Variants in PTPN14 observed in about 807,000 individuals in gnomAD.
The protein encoded by PTPN14 is tyrosine-protein phosphatase non-receptor type 14.
PTPN14 carries 53 observed loss-of-function variants against 126.8 expected under a neutral mutation model. The observed-to-expected ratio is 0.42, with a 90% CI of 0.34 to 0.53. The LOEUF is 0.53. Ranked by LOEUF, PTPN14 falls within the 20% of genes least tolerant of loss-of-function variation. The probability of loss-of-function intolerance (pLI) is 0.08; values close to 1 mark genes in which losing one functional copy is unlikely to be tolerated. For synonymous variants in PTPN14, 630 were observed against 599.3 expected (o/e 1.05, Z -0.75); for missense variants, 1,257 against 1,552.9 (o/e 0.81, Z 3.20).
chr1:214,450,365 G>A (rs1268252653), intron 3 of PTPN14, among the ~76,000 whole-genome samples: 4 of 151,002 alleles, frequency 2.6e-5, no homozygotes, highest in East Asian at 2.0e-4. Flanking sequence ...CCAGCCACTC[G>A]GGAGGCTGAG....
chr1:214,364,825 A>G lies in PTPN14; in HGVS notation c.3272-150T>C, dbSNP rs1658044413. 2.5e-6 allele frequency: 2 copies of G among 801,886 alleles called. No homozygotes were observed. Among genetic ancestry groups the G allele is most frequent in the East Asian group, 2.9e-5 (1 of 34,646 alleles). The allele number at this position is 801,886 out of a possible 1,614,324, so 49.7% of individuals were successfully genotyped here. A position where few individuals can be genotyped will look rare whatever the true frequency, so the allele number is the denominator to read the frequency against. ...TGTGTGTTTTAAGTGACAATAATTT[A>G]TAGTTCTTACAAGACACTAATTATT... On this transcript the variant is annotated intron_variant, in intron 17 of 18. Transcript: ENST00000366956. The surrounding 1 kb of genome is among the most constrained non-coding windows in gnomAD (Gnocchi z 4.1).
chr1:214,550,798 C>T (rs79468616), intron 1 of PTPN14, among the ~76,000 whole-genome samples: 17 of 152,218 alleles, frequency 1.1e-4, no homozygotes, highest in African/African-American at 4.1e-4. Context: ...CTGCAGCGAC[C>T]GCGACGTCGT....
chr1:214,386,956 C>T, intron 11 of PTPN14, 34 bp from the exon 12 acceptor site: 2 of 1,529,070 alleles, frequency 1.3e-6, no homozygotes, highest in Non-Finnish European at 1.8e-6. Context: ...GTGGGGAGGC[C>T]TGGGCAGACA....
rs559017359 is a variant in PTPN14, at chr1:214,370,257, G to C, written c.3037-566C>G. Reference sequence around the variant, plus strand: ...ATCACGCCACTGCACCCCAGCCTGGGCAACAGAGGGGAGATTCCATCTCAA... The same window carrying C: ...ATCACGCCACTGCACCCCAGCCTGGCCAACAGAGGGGAGATTCCATCTCAA... On this transcript the variant is annotated intron_variant, in intron 16 of 18. Coordinates refer to ENST00000366956, the MANE Select transcript of PTPN14 (RefSeq NM_005401.5). 1.5e-4 allele frequency among the ~76,000 whole-genome samples: 22 copies of C among 147,266 alleles called. No individual in the cohort carries two copies. In the East Asian group the frequency reaches 4.2e-3, roughly 28 times the overall value.
At chr1:214,396,419 A>G (rs1207136156) in intron 8 of PTPN14, among the ~76,000 whole-genome samples, 1 of 152,216 alleles carries the variant, frequency 6.6e-6, no homozygotes, top group Non-Finnish European at 1.5e-5. Context: ...CACAACCTAC[A>G]GTTCTATCAG....
chr1:214,538,023 C>A (rs1299242035), intron 1 of PTPN14, among the ~76,000 whole-genome samples: 1 of 152,182 alleles, frequency 6.6e-6, no homozygotes, highest in Non-Finnish European at 1.5e-5. Flanking sequence ...GTATTTGACA[C>A]TGACAGCAAT....
intron 5 of PTPN14, among the ~76,000 whole-genome samples, chr1:214,408,305 T>G (rs1306195482): frequency 6.6e-6 from 1 of 152,216 alleles, no homozygotes; most frequent in African/African-American, 2.4e-5. Flanking sequence ...TGAATGATCA[T>G]GATTTCTGAA....
chr1:214,391,529 C>T (rs1658751696), intron 10 of PTPN14, among the ~76,000 whole-genome samples: 1 of 151,932 alleles, frequency 6.6e-6, no homozygotes, highest in African/African-American at 2.4e-5. Flanking sequence ...TAAGATAACA[C>T]ATTTTACAAA....
chr1:214,487,652 G>T (rs1375550873), intron 1 of PTPN14, among the ~76,000 whole-genome samples: 1 of 151,354 alleles, frequency 6.6e-6, no homozygotes, highest in Admixed American at 6.6e-5. Flanking sequence ...AAAAACGACT[G>T]TTACATCCAA....
At chr1:214,369,735 G>T in intron 16 of PTPN14, 44 bp from the exon 17 acceptor site, 1 of 1,527,636 alleles carries the variant, frequency 6.5e-7, no homozygotes, top group African/African-American at 1.4e-5. Flanking sequence ...GTCAAGGGAA[G>T]CTCTCATCCT....
intron 5 of PTPN14, among the ~76,000 whole-genome samples, chr1:214,404,049 T>C (rs1225881228): frequency 2.0e-5 from 3 of 152,186 alleles, no homozygotes; most frequent in Admixed American, 2.0e-4. Flanking sequence ...AAACGCCCCA[T>C]TCCTTTGATT....
At chr1:214,415,817 C>T (rs1271907605) in intron 3 of PTPN14, among the ~76,000 whole-genome samples, 1 of 152,118 alleles carries the variant, frequency 6.6e-6, no homozygotes, top group African/African-American at 2.4e-5. Flanking sequence ...GACAGCCATA[C>T]CACTCTTTGG....
In PTPN14 at chr1:214,384,667, G is replaced by A; in HGVS notation, c.1188C>T (p.Ser396=). ...GSVCSVHSVN[S]LNCSQSFIQA... ...GGATGAAACTTTGCGAGCAGTTGAGGGAGTTGACGCTGTGAACGCTACACA... is the reference window on the plus strand; with the variant it reads ...GGATGAAACTTTGCGAGCAGTTGAGAGAGTTGACGCTGTGAACGCTACACA... Residue 396 remains serine, a synonymous_variant, in exon 13 of 19, where the codon TCC becomes TCT. Transcript: ENST00000366956. This position sits in a 1 kb window ranked among gnomAD's most constrained non-coding sequence, Gnocchi z 5.3. The A allele has an allele frequency of 1.9e-6, 3 of 1,614,106 alleles. No individual in the cohort carries two copies. The East Asian group carries it at 6.7e-5, about 36-fold the overall frequency.
At chr1:214,495,398 A>C (rs1334692387) in intron 1 of PTPN14, among the ~76,000 whole-genome samples, 2 of 152,218 alleles carry the variant, frequency 1.3e-5, no homozygotes, top group African/African-American at 4.8e-5. Context: ...TGGTTTAAAA[A>C]TCAACACTGA....
Position 214,383,868 on chromosome 1 carries a change from G to A in PTPN14, c.1987C>T (p.Leu663Phe), listed in dbSNP as rs757869300. Residue 663 changes from leucine (L) to phenylalanine (F), a missense_variant, in exon 13 of 19, where the codon CTC becomes TTC. Coordinates refer to ENST00000366956, the MANE Select transcript of PTPN14 (RefSeq NM_005401.5). The surrounding 1 kb of genome is among the most constrained non-coding windows in gnomAD (Gnocchi z 4.4). ...AGCGTGTTGCGGCGAGCCATGGGGA[G>A]GTGGAGCGACTTGAGCGTCATGGCC... ...MEAMTLKSLHLPMARRNTLRE... is the reference protein window; with the variant it reads ...MEAMTLKSLHFPMARRNTLRE... The A allele has an allele frequency of 1.8e-5, 29 of 1,613,008 alleles. No homozygotes were observed. The highest frequency in any genetic ancestry group is 2.4e-5 in the Non-Finnish European group (28 of 1,180,000).
chr1:214,521,199 G>A (rs913581075), intron 1 of PTPN14, among the ~76,000 whole-genome samples: 6 of 152,090 alleles, frequency 3.9e-5, no homozygotes, highest in Admixed American at 6.5e-5. Flanking sequence ...CATGTTAATC[G>A]CTTTATAAAA....
intron 3 of PTPN14, among the ~76,000 whole-genome samples, chr1:214,443,671 G>GA (rs1473545432): frequency 6.6e-6 from 1 of 152,112 alleles, no homozygotes; most frequent in Non-Finnish European, 1.5e-5. Context: ...AGCGCAAAGT[G>GA]AAAATGCAGA....
chr1:214,530,343 T>TC (rs1655512179), intron 1 of PTPN14: 1 of 149,172 alleles, frequency 6.7e-6, no homozygotes, highest in African/African-American at 2.5e-5. Flanking sequence ...TTTTCTTTTT[T>TC]TTTTTTTTTT....
chr1:214,396,426 T>C (rs867943729), intron 8 of PTPN14, among the ~76,000 whole-genome samples: 33 of 152,348 alleles, frequency 2.2e-4, no homozygotes, highest in Middle Eastern at 3.4e-3. Flanking sequence ...TACAGTTCTA[T>C]CAGATTACAT....
Sources: allele counts gnomAD v4.1 joint callset (sites outside exome capture counted in the v4.1 genomes callset), GRCh38; gene constraint gnomAD v4.1.1; non-coding constraint Gnocchi (gnomAD v3.1); transcripts MANE v1.5; gene names NCBI Gene and HGNC (gene_info 2026-07-23, HGNC 2026-07-21).